The following KCTD8 variants were observed in gnomAD, a reference collection of about 807,000 sequenced individuals.
The protein encoded by KCTD8 is potassium channel tetramerization domain containing 8.
A neutral mutation model predicts 31.5 loss-of-function variants in KCTD8; 27 were observed. That is an observed-to-expected ratio of 0.86 (90% CI 0.63 to 1.18). KCTD8 has a LOEUF of 1.18. Among genes scored for constraint, KCTD8 ranks in the 50% most tolerant of loss-of-function variants. The pLI is 0.00. For synonymous variants in KCTD8, 290 were observed against 280.0 expected (o/e 1.04, Z -0.36); for missense variants, 658 against 647.7 (o/e 1.02, Z -0.17).
At chr4:44,411,971 G>C (rs771917301) in intron 1 of KCTD8, among the ~76,000 whole-genome samples, 2 of 152,124 alleles carry the variant, frequency 1.3e-5, no homozygotes, top group East Asian at 3.8e-4. Flanking sequence ...CACCCAGTTT[G>C]CCTTACTTTG....
intron 1 of KCTD8, among the ~76,000 whole-genome samples, chr4:44,187,766 G>A (rs961437649): frequency 6.6e-6 from 1 of 152,078 alleles, no homozygotes; most frequent in African/African-American, 2.4e-5. Flanking sequence ...CTCCGGGAGG[G>A]AAAAAGAAGG....
At chr4:44,175,325 C>G (rs950953883) in intron 1 of KCTD8, 75 bp from the exon 2 acceptor site, 19 of 836,834 alleles carry the variant, frequency 2.3e-5, no homozygotes, top group Non-Finnish European at 3.2e-5. Context: ...TAAATGAACT[C>G]TATATTTTCT....
intron 1 of KCTD8, among the ~76,000 whole-genome samples, chr4:44,321,495 T>C (rs917350670): frequency 7.9e-5 from 12 of 152,182 alleles, no homozygotes; most frequent in African/African-American, 2.9e-4. Context: ...ATAATAGCTG[T>C]ACTTATTTTT....
chr4:44,340,950 A>G (rs556266254), intron 1 of KCTD8, among the ~76,000 whole-genome samples: 1 of 151,880 alleles, frequency 6.6e-6, no homozygotes, highest in East Asian at 1.9e-4. Context: ...TATAACATAT[A>G]TAAAATGTTT....
At chr4:44,254,296 C>G (rs1003065947) in intron 1 of KCTD8, among the ~76,000 whole-genome samples, 2 of 151,826 alleles carry the variant, frequency 1.3e-5, no homozygotes, top group African/African-American at 4.8e-5. Context: ...CACTATCCAG[C>G]AAACTATTTT....
intron 1 of KCTD8, among the ~76,000 whole-genome samples, chr4:44,187,547 G>A (rs567761946): frequency 3.9e-4 from 59 of 152,206 alleles, no homozygotes; most frequent in Non-Finnish European, 7.2e-4. Context: ...CATTGGCAAA[G>A]TTGTTTTTCA....
intron 1 of KCTD8, among the ~76,000 whole-genome samples, chr4:44,329,732 A>C (rs773429579): frequency 5.3e-5 from 8 of 152,016 alleles, no homozygotes; most frequent in Non-Finnish European, 1.0e-4. Context: ...AACAAAGGTG[A>C]GTTGAAAATA....
In KCTD8 at chr4:44,448,571, G is replaced by C; in HGVS notation, c.-48C>G. 1 of 1,392,760 alleles carries C rather than the reference G, an allele frequency of 7.2e-7. No homozygotes were observed. Among genetic ancestry groups the C allele is most frequent in the Non-Finnish European group, 9.3e-7 (1 of 1,077,358 alleles). The allele number at this position is 1,392,760 out of a possible 1,614,324, so 86.3% of individuals were successfully genotyped here. A position where few individuals can be genotyped will look rare whatever the true frequency, so the allele number is the denominator to read the frequency against. On this transcript the variant is annotated 5_prime_UTR_variant, in exon 1 of 2. Coordinates refer to ENST00000360029, the MANE Select transcript of KCTD8 (RefSeq NM_198353.3). The surrounding 1 kb of genome is among the most constrained non-coding windows in gnomAD (Gnocchi z 4.1). ...TGACCCGAGAGAGCTGCACTTTCTC[G>C]TTCCCGGAGCCCGCGCCCCAGCCCT...
At chr4:44,227,106 T>C (rs1214708433) in intron 1 of KCTD8, among the ~76,000 whole-genome samples, 2 of 152,202 alleles carry the variant, frequency 1.3e-5, no homozygotes, top group Non-Finnish European at 1.5e-5. Flanking sequence ...AGTCATGAAG[T>C]CCTTGCCCAT....
intron 1 of KCTD8, among the ~76,000 whole-genome samples, chr4:44,297,064 T>A (rs114325567): frequency 0.013 from 1,974 of 152,200 alleles, 48 homozygotes; most frequent in African/African-American, 0.045. Context: ...TCTTCACATA[T>A]CTATATGCCA....
At chr4:44,376,907 A>G (rs1719927864) in intron 1 of KCTD8, among the ~76,000 whole-genome samples, 1 of 152,188 alleles carries the variant, frequency 6.6e-6, no homozygotes, top group Non-Finnish European at 1.5e-5. Context: ...GATGTAGAAT[A>G]TCTGTAAATC....
At chr4:44,186,064 C>A (rs558307826) in intron 1 of KCTD8, among the ~76,000 whole-genome samples, 2 of 152,300 alleles carry the variant, frequency 1.3e-5, no homozygotes, top group South Asian at 2.1e-4. Flanking sequence ...CAAGACTACT[C>A]TGGCCTGTCA....
intron 1 of KCTD8, among the ~76,000 whole-genome samples, chr4:44,232,057 G>A (rs554140630): frequency 6.6e-6 from 1 of 152,116 alleles, no homozygotes; most frequent in South Asian, 2.1e-4. Flanking sequence ...CAGAAGGGAT[G>A]TTTGATAATA....
intron 1 of KCTD8, among the ~76,000 whole-genome samples, chr4:44,193,689 G>T (rs1375187803): frequency 6.6e-6 from 1 of 151,830 alleles, no homozygotes; most frequent in Admixed American, 6.6e-5. Context: ...TGTAGACATT[G>T]CTTTCTAACT....
At chr4:44,411,930 T>G (rs575428644) in intron 1 of KCTD8, among the ~76,000 whole-genome samples, 1 of 152,234 alleles carries the variant, frequency 6.6e-6, no homozygotes, top group Admixed American at 6.5e-5. Context: ...AGTGTAGAAG[T>G]GTGATGCAAT....
chr4:44,308,033 G>A lies in KCTD8; in HGVS notation c.962-132783C>T, dbSNP rs569919465. ...CTATTACTTATTTCCATATACTAAA[G>A]CATATCCCTTATCTATTTTTCATAA... On this transcript the variant is annotated intron_variant, in intron 1 of 1. Transcript: ENST00000360029. Among the ~76,000 whole-genome samples the A allele has an allele frequency of 1.5e-4, 23 of 151,980 alleles. No individual in the cohort carries two copies. The South Asian group carries it at 4.2e-3, about 27-fold the overall frequency.
chr4:44,341,573 A>G (rs546024766), intron 1 of KCTD8, among the ~76,000 whole-genome samples: 1 of 152,354 alleles, frequency 6.6e-6, no homozygotes, highest in South Asian at 2.1e-4. Flanking sequence ...CAGCATCTTC[A>G]CCAGAAATGG....
intron 1 of KCTD8, among the ~76,000 whole-genome samples, chr4:44,407,145 A>G (rs1364360608): frequency 6.6e-6 from 1 of 152,148 alleles, no homozygotes; most frequent in East Asian, 1.9e-4. Flanking sequence ...ATTCAATATT[A>G]TCATGATTCT....
At chr4:44,235,456 C>G (rs1323463763) in intron 1 of KCTD8, among the ~76,000 whole-genome samples, 1 of 138,770 alleles carries the variant, frequency 7.2e-6, no homozygotes, top group African/African-American at 2.6e-5. Flanking sequence ...TGTATATATA[C>G]AGATAGAGAG....
Sources: allele counts gnomAD v4.1 joint callset (sites outside exome capture counted in the v4.1 genomes callset), GRCh38; gene constraint gnomAD v4.1.1; non-coding constraint Gnocchi (gnomAD v3.1); transcripts MANE v1.5; gene names NCBI Gene and HGNC (gene_info 2026-07-23, HGNC 2026-07-21).